MACF1: variants seen among roughly 807,000 people sequenced by gnomAD.
MACF1 encodes the protein microtubule actin crosslinking factor 1.
A neutral mutation model predicts 854.8 loss-of-function variants in MACF1; 193 were observed. The ratio of observed to expected loss-of-function variants is 0.23; its 90% CI spans 0.20 to 0.25. The LOEUF (loss-of-function observed/expected upper bound fraction) is 0.25, where lower values mean the gene tolerates loss of function less well. Among genes scored for constraint, MACF1 ranks in the 10% least tolerant of loss-of-function variants. MACF1 has a pLI of 1.00. For missense variants in MACF1, 7,722 were observed against 8,929.1 expected (o/e 0.86, Z 5.45); for synonymous variants, 3,185 against 3,226.7 (o/e 0.99, Z 0.44).
chr1:39,393,181 TAAAAAAA>T (rs1192045357), intron 58 of MACF1, among the ~76,000 whole-genome samples: 33 of 90,234 alleles, frequency 3.7e-4, no homozygotes, highest in African/African-American at 1.6e-3. Flanking sequence ...CTGGGAAGGG[TAAAAAAA>T]AAAAAAAAAT....
intron 42 of MACF1, among the ~76,000 whole-genome samples, 195 bp downstream of exon 42, chr1:39,349,822 G>A (rs750983257): frequency 1.5e-4 from 23 of 152,168 alleles, no homozygotes; most frequent in Non-Finnish European, 2.9e-4. Flanking sequence ...TAGAGATGGG[G>A]TATCACTATG....
chr1:39,438,999 CT>C (rs1644043481), intron 71 of MACF1, among the ~76,000 whole-genome samples: 1 of 150,874 alleles, frequency 6.6e-6, no homozygotes, highest in Admixed American at 6.6e-5. Context: ...AGGAGAATCT[CT>C]GGAACCTGGG....
chr1:39,105,276 A>C lies in MACF1; in HGVS notation c.220+20838A>C. The C allele has an allele frequency of 2.4e-6, 1 of 425,504 alleles. No homozygotes were observed. The highest frequency in any genetic ancestry group is 3.1e-6 in the Non-Finnish European group (1 of 319,820). 26.4% of individuals were successfully genotyped at this position (425,504 alleles called of 1,614,324 possible). On this transcript the variant is annotated intron_variant, in intron 2 of 93. Transcript: ENST00000361689. This position sits in a 1 kb window ranked among gnomAD's most constrained non-coding sequence, Gnocchi z 5.9. ...TCGCCGGGACCCGGAGGCGGCGGGG[A>C]GAGGGGGCGGGGAACGGGCCGGGCC...
At chr1:39,110,740 G>A (rs987920713) in intron 2 of MACF1, among the ~76,000 whole-genome samples, 3 of 152,216 alleles carry the variant, frequency 2.0e-5, no homozygotes, top group Non-Finnish European at 2.9e-5. Flanking sequence ...TGTGCTAACA[G>A]TGCTTATGGG....
chr1:39,184,452 A>G (rs1409430531), intron 2 of MACF1, among the ~76,000 whole-genome samples: 1 of 152,116 alleles, frequency 6.6e-6, no homozygotes, highest in Non-Finnish European at 1.5e-5. Flanking sequence ...CTTATTGCCA[A>G]AAGTACCCTA....
At chr1:39,362,810 TAG>T (rs1307938802) in intron 49 of MACF1, among the ~76,000 whole-genome samples, 6 of 152,068 alleles carry the variant, frequency 3.9e-5, no homozygotes, top group Admixed American at 2.0e-4. Flanking sequence ...TTCTTTTTAA[TAG>T]ATAGTGTTAG....
intron 36 of MACF1, among the ~76,000 whole-genome samples, 169 bp downstream of exon 36, chr1:39,327,522 G>A (rs991606510): frequency 2.0e-5 from 3 of 152,188 alleles, no homozygotes; most frequent in African/African-American, 7.2e-5. Flanking sequence ...GGGGTTCCAT[G>A]ATGTGTTGGT....
intron 6 of MACF1, among the ~76,000 whole-genome samples, chr1:39,259,844 C>A (rs963956318): frequency 6.6e-6 from 1 of 152,010 alleles, no homozygotes; most frequent in Non-Finnish European, 1.5e-5. Flanking sequence ...TCTCAAACTT[C>A]CAACCTCAGG....
At chr1:39,481,836 A>G (rs1645017905) in intron 99 of MACF1, among the ~76,000 whole-genome samples, 1 of 152,144 alleles carries the variant, frequency 6.6e-6, no homozygotes, top group Non-Finnish European at 1.5e-5. Context: ...TTAGCCAGGG[A>G]AACAAGGGAT....
chr1:39,387,063 T>G, intron 57 of MACF1, 124 bp from the exon 58 acceptor site: 1 of 1,049,664 alleles, frequency 9.5e-7, no homozygotes, highest in Non-Finnish European at 1.4e-6. Flanking sequence ...TATATGCCTC[T>G]TTTTGGTAGG....
chr1:39,388,777 A>G lies in MACF1; in HGVS notation c.15816+119A>G, dbSNP rs149721483. On this transcript the variant is annotated intron_variant, in intron 58 of 100. Transcript: ENST00000564288. Reference sequence around the variant, plus strand: ...TAGTTTTATTATTGTCACTTCCATCACCATGAAAGCACACTGTCTGAAGAC... The same window carrying G: ...TAGTTTTATTATTGTCACTTCCATCGCCATGAAAGCACACTGTCTGAAGAC... 2,171 of 910,376 alleles carry G rather than the reference A, an allele frequency of 2.4e-3. 33 individuals carry two copies. The African/African-American group carries it at 0.031, about 13-fold the overall frequency. The allele number at this position is 910,376 out of a possible 1,614,324, so 56.4% of individuals were successfully genotyped here. A position where few individuals can be genotyped will look rare whatever the true frequency, so the allele number is the denominator to read the frequency against.
intron 4 of MACF1, 36 bp from the exon 5 acceptor site, chr1:39,254,262 G>A: frequency 1.9e-6 from 3 of 1,542,536 alleles, no homozygotes; most frequent in South Asian, 2.2e-5. Context: ...AAATTGTGTA[G>A]CCAGAATTAA....
chr1:39,432,513 T>G lies in MACF1; in HGVS notation c.17338-22T>G, dbSNP rs1354543508. On this transcript the variant is annotated intron_variant, in intron 66 of 100. Coordinates refer to ENST00000564288, the MANE Select transcript of MACF1 (RefSeq NM_001394062.1). The stretch of plus-strand genomic sequence containing the variant: ...ACTTGGCTGTATATAATTTGTTTAT[T>G]TTTCTTTAATACGTCTATTAGTATG... The G allele has an allele frequency of 2.5e-6, 4 of 1,612,558 alleles. No individual in the cohort carries two copies. In the African/African-American group the frequency reaches 4.0e-5, roughly 16 times the overall value.
rs918813931 is a variant in MACF1, at chr1:39,430,020, A to G, written c.17082A>G (p.Gly5694=). The change falls in exon 65 of 101, where the codon GGA becomes GGG. Residue 5694 remains glycine, a synonymous_variant. Coordinates refer to ENST00000564288, the MANE Select transcript of MACF1 (RefSeq NM_001394062.1). ...AGGAGGAGCTGGCAACCAGTGGAGGACAGTCTCCCACAGGGGAACAGATAC... is the reference window on the plus strand; with the variant it reads ...AGGAGGAGCTGGCAACCAGTGGAGGGCAGTCTCCCACAGGGGAACAGATAC... ...EVEEELATSG[G]QSPTGEQIPQ... is the part of the protein sequence containing the mutation. The G allele has an allele frequency of 1.2e-6, 2 of 1,613,928 alleles. No individual in the cohort carries two copies.
intron 58 of MACF1, among the ~76,000 whole-genome samples, chr1:39,393,194 AAAATAT>A (rs1351568125): frequency 0.02 from 1,616 of 79,130 alleles, 38 homozygotes; most frequent in East Asian, 0.074. Context: ...AAAAAAAAAA[AAAATAT>A]ATATATATAT....
rs777624523 is a variant in MACF1 at position 39,385,687 on chromosome 1, C to A, written c.14102C>A (p.Ala4701Glu). 6.2e-7 allele frequency: 1 copy of A among 1,614,136 alleles called. No homozygotes were observed. Among genetic ancestry groups the A allele is most frequent in the South Asian group, 1.1e-5 (1 of 91,080 alleles). The change falls in exon 57 of 101, where the codon GCA (alanine) becomes GAA (glutamate). Residue 4701 changes from alanine to glutamate, a missense_variant. Ala to Glu is a moderately radical substitution (Grantham distance 107, BLOSUM62 -1). This residue lies in a region of MACF1 where 2,807 missense variants were observed against 3,235.8 expected (regional missense o/e 0.87). Coordinates refer to ENST00000564288, the MANE Select transcript of MACF1 (RefSeq NM_001394062.1). ...LLQDLSEKVRAVGQRLSVQSA... is the reference protein window; with the variant it reads ...LLQDLSEKVREVGQRLSVQSA... ...CAGGACTTATCAGAGAAGGTGAGGG[C>A]AGTTGGACAACGGCTGAGTGTCCAG...
At chr1:39,252,616 T>G (rs1250544387) in intron 4 of MACF1, among the ~76,000 whole-genome samples, 1 of 152,182 alleles carries the variant, frequency 6.6e-6, no homozygotes, top group Non-Finnish European at 1.5e-5. Flanking sequence ...GATTAGGCAA[T>G]ATCCTCATTC....
chr1:39,448,763 G>A lies in MACF1; in HGVS notation c.20258G>A (p.Arg6753Gln). ...WDTVCGKSVERQHKLEEALLF... is the reference protein window; with the variant it reads ...WDTVCGKSVEQQHKLEEALLF... ...ACTGTTTGTGGCAAGTCTGTGGAGCGGTGAGCATGAATGTCCCCTTCAGGG... is the reference window on the plus strand; with the variant it reads ...ACTGTTTGTGGCAAGTCTGTGGAGCAGTGAGCATGAATGTCCCCTTCAGGG... Residue 6753 changes from arginine to glutamine, a missense_variant and splice_region_variant, in exon 84 of 101, where the codon CGG becomes CAG. Physicochemically the swap from Arg to Gln is conservative, Grantham distance 43. Coordinates refer to ENST00000564288, the MANE Select transcript of MACF1 (RefSeq NM_001394062.1). The A allele has an allele frequency of 6.2e-7, 1 of 1,608,224 alleles. No homozygotes were observed. Among genetic ancestry groups the A allele is most frequent in the Non-Finnish European group, 8.5e-7 (1 of 1,176,812 alleles).
rs1371926904 is a variant in MACF1 at position 39,199,643 on chromosome 1, T to C, written c.221-31539T>C. ...TACAGGGATCAAATGAAATAACAGA[T>C]GTAAAGATGCTTTATAGTAGCTGCT... On this transcript the variant is annotated intron_variant, in intron 2 of 93. Transcript: ENST00000361689. Among the ~76,000 whole-genome samples, 3 of 152,282 alleles carry C rather than the reference T, an allele frequency of 2.0e-5. No homozygotes were observed. In the East Asian group the frequency reaches 5.8e-4, roughly 30 times the overall value.
Sources: gnomAD v4.1 joint callset for allele counts (sites outside exome capture counted in the v4.1 genomes callset) on GRCh38, gnomAD v4.1.1 for gene constraint, gnomAD v4.1.1 regional missense constraint, Gnocchi (gnomAD v3.1) non-coding constraint, MANE v1.5 for transcripts, NCBI Gene and HGNC (gene_info 2026-07-23, HGNC 2026-07-21) for gene names.